Variants in ERI3 observed in about 807,000 individuals in gnomAD.
ERI3 encodes the protein ERI1 exoribonuclease family member 3, also known as ERI1 exoribonuclease 3.
A neutral mutation model predicts 44.4 loss-of-function variants in ERI3; 18 were observed. The observed-to-expected ratio is 0.41, with a 90% CI of 0.28 to 0.60. The LOEUF is 0.60. Among genes scored for constraint, ERI3 ranks in the 20% least tolerant of loss-of-function variants. The pLI is 0.36. For missense variants in ERI3, 294 were observed against 435.5 expected (o/e 0.68, Z 2.89); for synonymous variants, 183 against 164.8 (o/e 1.11, Z -0.84).
intron 8 of ERI3, among the ~76,000 whole-genome samples, chr1:44,226,008 G>C (rs1557763826): frequency 6.6e-6 from 1 of 152,176 alleles, no homozygotes; most frequent in Non-Finnish European, 1.5e-5. Flanking sequence ...GCAGTGCTAT[G>C]AGAAAAGGAC....
At chr1:44,286,352 G>A (rs1396555039) in intron 6 of ERI3, among the ~76,000 whole-genome samples, 1 of 152,168 alleles carries the variant, frequency 6.6e-6, no homozygotes, top group African/African-American at 2.4e-5. Context: ...GATGTCTGCT[G>A]AGTTTGAGGT....
chr1:44,235,958 T>C lies in ERI3; in HGVS notation c.931+11981A>G, dbSNP rs940453048. ...GTCCCACCTGGTAAATATTTCATCC[T>C]CAAGCTGCTCAGCTAATCCCTATTA... On this transcript the variant is annotated intron_variant, in intron 8 of 8. Coordinates refer to ENST00000372257, the MANE Select transcript of ERI3 (RefSeq NM_024066.3). The surrounding 1 kb of genome is among the most constrained non-coding windows in gnomAD (Gnocchi z 4.6). 6.6e-6 allele frequency among the ~76,000 whole-genome samples: 1 copy of C among 152,196 alleles called. No homozygotes were observed.
At chr1:44,328,685 G>A (rs1373734270) in intron 3 of ERI3, among the ~76,000 whole-genome samples, 2 of 152,182 alleles carry the variant, frequency 1.3e-5, no homozygotes, top group South Asian at 2.1e-4. Flanking sequence ...TGATGAGGAT[G>A]CTGCTGGTTC....
At chr1:44,351,968 C>T (rs1646899808) in intron 2 of ERI3, among the ~76,000 whole-genome samples, 1 of 152,208 alleles carries the variant, frequency 6.6e-6, no homozygotes, top group Admixed American at 6.5e-5. Context: ...AGCCTCTACA[C>T]TTCCCTTACT....
chr1:44,342,391 C>A (rs1646672964), intron 2 of ERI3, among the ~76,000 whole-genome samples: 1 of 151,980 alleles, frequency 6.6e-6, no homozygotes, highest in South Asian at 2.1e-4. Flanking sequence ...ATATATTAAG[C>A]ATAATGGGAC....
At chr1:44,314,204 A>G (rs188827836) in intron 4 of ERI3, among the ~76,000 whole-genome samples, 2 of 152,148 alleles carry the variant, frequency 1.3e-5, no homozygotes, top group Admixed American at 1.3e-4. Flanking sequence ...CTTAATGAAT[A>G]CCAAATACCC....
chr1:44,280,281 A>G (rs1397275429), intron 7 of ERI3, among the ~76,000 whole-genome samples: 2 of 152,186 alleles, frequency 1.3e-5, no homozygotes, highest in African/African-American at 4.8e-5. Flanking sequence ...TTATTGCATG[A>G]CTTTCTCTAG....
At chr1:44,345,013 C>A (rs1221541079) in intron 2 of ERI3, among the ~76,000 whole-genome samples, 1 of 152,196 alleles carries the variant, frequency 6.6e-6, no homozygotes, top group Non-Finnish European at 1.5e-5. Flanking sequence ...GGCTCCTCTG[C>A]AGCCATTACT....
chr1:44,238,630 G>C (rs1644362633), intron 8 of ERI3, among the ~76,000 whole-genome samples: 2 of 152,144 alleles, frequency 1.3e-5, no homozygotes, highest in African/African-American at 4.8e-5. Flanking sequence ...CCCAACCCAA[G>C]AGTGACGGGG....
intron 7 of ERI3, among the ~76,000 whole-genome samples, chr1:44,258,767 T>A (rs1253789016): frequency 6.6e-6 from 1 of 152,022 alleles, no homozygotes; most frequent in Non-Finnish European, 1.5e-5. Flanking sequence ...AAGAAGCAGA[T>A]GAGTGGTACA....
chr1:44,265,641 T>A (rs1390465081), intron 7 of ERI3, among the ~76,000 whole-genome samples: 2 of 151,364 alleles, frequency 1.3e-5, no homozygotes, highest in African/African-American at 2.4e-5. Flanking sequence ...ATTGATCACC[T>A]GATGGGAGAA....
intron 3 of ERI3, among the ~76,000 whole-genome samples, chr1:44,335,732 C>T (rs904261784): frequency 2.8e-5 from 4 of 140,874 alleles, no homozygotes; most frequent in African/African-American, 1.1e-4. Context: ...GCCTGGGCAA[C>T]AAGAGCAACT....
chr1:44,242,979 C>T (rs1644473372), intron 8 of ERI3, among the ~76,000 whole-genome samples: 1 of 152,212 alleles, frequency 6.6e-6, no homozygotes, highest in Non-Finnish European at 1.5e-5. Context: ...TTGGTACAAG[C>T]GTCTCCCTGA....
intron 8 of ERI3, among the ~76,000 whole-genome samples, chr1:44,227,636 G>A (rs1200632982): frequency 1.3e-5 from 2 of 152,038 alleles, no homozygotes; most frequent in African/African-American, 4.8e-5. Context: ...TGTATTATCT[G>A]GCAACTCTGT....
chr1:44,230,880 T>TC (rs1644166933), intron 8 of ERI3, among the ~76,000 whole-genome samples: 1 of 152,204 alleles, frequency 6.6e-6, no homozygotes, highest in Non-Finnish European at 1.5e-5. Context: ...ATCCTACTAC[T>TC]CTTCCTTTGA....
At chr1:44,317,885 A>G (rs528062637) in intron 4 of ERI3, among the ~76,000 whole-genome samples, 1 of 152,124 alleles carries the variant, frequency 6.6e-6, no homozygotes. Flanking sequence ...GGCTGGCCAA[A>G]AAAGGATGGA....
chr1:44,309,444 G>C (rs923207915), intron 5 of ERI3, among the ~76,000 whole-genome samples: 4 of 151,998 alleles, frequency 2.6e-5, no homozygotes, highest in Non-Finnish European at 4.4e-5. Flanking sequence ...GCAGTGAGCT[G>C]AGATCACACC....
chr1:44,347,754 T>C (rs1439859498), intron 2 of ERI3, among the ~76,000 whole-genome samples: 1 of 146,076 alleles, frequency 6.8e-6, no homozygotes, highest in African/African-American at 2.5e-5. Flanking sequence ...GACAGCAGTA[T>C]AGGTGAATGT....
At chr1:44,344,385 T>A (rs186687300) in intron 2 of ERI3, among the ~76,000 whole-genome samples, 1 of 152,142 alleles carries the variant, frequency 6.6e-6, no homozygotes, top group Non-Finnish European at 1.5e-5. Flanking sequence ...CCACAGAAGG[T>A]AGGCTGCATG....
Sources: allele counts gnomAD v4.1 joint callset (sites outside exome capture counted in the v4.1 genomes callset), GRCh38; gene constraint gnomAD v4.1.1; non-coding constraint Gnocchi (gnomAD v3.1); transcripts MANE v1.5; gene names NCBI Gene and HGNC (gene_info 2026-07-23, HGNC 2026-07-21).